Variants in EXOC6 observed in about 807,000 individuals in gnomAD.
The protein encoded by EXOC6 is SEC15-like 1.
Under a neutral mutation model 112.5 loss-of-function variants are expected in EXOC6, and 60 were observed. That is an observed-to-expected ratio of 0.53 (90% confidence interval 0.43 to 0.66). EXOC6 has a LOEUF of 0.66. EXOC6 is among the 30% of genes least tolerant of loss of function. EXOC6 has a pLI of 0.00. For synonymous variants in EXOC6, 295 were observed against 308.0 expected (o/e 0.96, Z 0.44); for missense variants, 855 against 957.1 (o/e 0.89, Z 1.41).
At chr10:92,868,381 G>T (rs1479288466) in intron 1 of EXOC6, among the ~76,000 whole-genome samples, 1 of 152,110 alleles carries the variant, frequency 6.6e-6, no homozygotes, top group Non-Finnish European at 1.5e-5. Flanking sequence ...TATACGCAGT[G>T]ATACTGTATG....
At chr10:93,007,198 A>G (rs1386421986) in intron 19 of EXOC6, among the ~76,000 whole-genome samples, 3 of 152,138 alleles carry the variant, frequency 2.0e-5, no homozygotes, top group African/African-American at 7.2e-5. Flanking sequence ...TTATGGCCTG[A>G]CATCTTGGCA....
intron 1 of EXOC6, among the ~76,000 whole-genome samples, chr10:92,883,737 C>T (rs909947297): frequency 3.3e-5 from 5 of 151,992 alleles, no homozygotes; most frequent in Admixed American, 2.6e-4. Flanking sequence ...GAAATGCAAA[C>T]TTAAGGCTAA....
At chr10:92,886,461 A>G (rs1173754754) in intron 1 of EXOC6, among the ~76,000 whole-genome samples, 3 of 152,176 alleles carry the variant, frequency 2.0e-5, no homozygotes, top group African/African-American at 7.2e-5. Flanking sequence ...GGGATTCCCT[A>G]TTGAGTCATT....
intron 1 of EXOC6, among the ~76,000 whole-genome samples, chr10:92,859,279 C>T (rs1256113087): frequency 6.6e-6 from 1 of 152,120 alleles, no homozygotes; most frequent in Non-Finnish European, 1.5e-5. Context: ...AGTGTATTTC[C>T]CTCACAGTGG....
Position 93,058,271 on chromosome 10 carries a change from G to T in EXOC6, c.2331G>T (p.Lys777Asn). The change falls in exon 22 of 22, where the codon AAG becomes AAT. Residue 777 changes from lysine (K) to asparagine (N), a missense_variant. Physicochemically the swap from Lys to Asn is moderately conservative, Grantham distance 94. This residue lies in a region of EXOC6 where 450 missense variants were observed against 563.5 expected (regional missense o/e 0.80). Transcript: ENST00000260762. ...ACAATATATTTGCTCAGTTCAGGAA[G>T]AATGATCGAGACAAACAGAAGTTGA... ...KKNNIFAQFRKNDRDKQKLIE... is the reference protein window; with the variant it reads ...KKNNIFAQFRNNDRDKQKLIE... 4 of 1,611,322 alleles carry T rather than the reference G, an allele frequency of 2.5e-6. No homozygotes were observed. The highest frequency in any genetic ancestry group is 3.4e-6 in the Non-Finnish European group (4 of 1,179,412).
At chr10:92,997,744 C>T (rs1843559076) in intron 19 of EXOC6, 129 bp downstream of exon 19, 1 of 684,014 alleles carries the variant, frequency 1.5e-6, no homozygotes, top group South Asian at 4.1e-5. Context: ...TTTTAGCAGC[C>T]TTAGGAGTAG....
intron 18 of EXOC6, among the ~76,000 whole-genome samples, chr10:92,977,371 T>A (rs538542215): frequency 6.6e-6 from 1 of 152,174 alleles, no homozygotes; most frequent in Admixed American, 6.5e-5. Flanking sequence ...CTAAAAAAAA[T>A]TAATGGAAGA....
At chr10:92,934,531 A>AT (rs1216771745) in intron 11 of EXOC6, 101 bp downstream of exon 11, 11 of 1,000,642 alleles carry the variant, frequency 1.1e-5, no homozygotes, top group South Asian at 2.8e-5. Flanking sequence ...ATCATTCTGC[A>AT]TTTTTTTAGT....
At chr10:92,976,794 G>A (rs1421278293) in intron 18 of EXOC6, among the ~76,000 whole-genome samples, 1 of 151,766 alleles carries the variant, frequency 6.6e-6, no homozygotes, top group Non-Finnish European at 1.5e-5. Context: ...ATCCTGGCAC[G>A]TAGTCATAGC....
At chr10:92,986,875 C>T (rs1289075954) in intron 18 of EXOC6, among the ~76,000 whole-genome samples, 1 of 151,898 alleles carries the variant, frequency 6.6e-6, no homozygotes, top group African/African-American at 2.4e-5. Context: ...AGAACTACGG[C>T]AGGGGCATAT....
At chr10:92,887,459 G>A (rs1849284385) in intron 1 of EXOC6, among the ~76,000 whole-genome samples, 1 of 133,512 alleles carries the variant, frequency 7.5e-6, no homozygotes, top group Non-Finnish European at 1.5e-5. Flanking sequence ...GTGCAGTGGT[G>A]TGATCTAGGC....
At chr10:93,011,614 A>G (rs1291413891) in intron 19 of EXOC6, among the ~76,000 whole-genome samples, 1 of 152,216 alleles carries the variant, frequency 6.6e-6, no homozygotes, top group Non-Finnish European at 1.5e-5. Flanking sequence ...AACACCTTTT[A>G]TGATTATAAT....
intron 20 of EXOC6, among the ~76,000 whole-genome samples, chr10:93,017,084 G>A (rs1451097539): frequency 6.6e-6 from 1 of 151,820 alleles, no homozygotes; most frequent in Non-Finnish European, 1.5e-5. Context: ...CCAAAGTGTT[G>A]GGATTACAGG....
intron 12 of EXOC6, among the ~76,000 whole-genome samples, chr10:92,937,456 T>A (rs1852407774): frequency 6.6e-6 from 1 of 152,194 alleles, no homozygotes; most frequent in South Asian, 2.1e-4. Flanking sequence ...TTTAAACTAT[T>A]TGCTTTATCA....
chr10:92,890,687 T>C (rs970687147), intron 1 of EXOC6, among the ~76,000 whole-genome samples: 1 of 152,130 alleles, frequency 6.6e-6, no homozygotes, highest in Non-Finnish European at 1.5e-5. Flanking sequence ...CCTATCTATC[T>C]CTGTGTCTGG....
chr10:92,976,101 C>T (rs1234590234), intron 18 of EXOC6, among the ~76,000 whole-genome samples: 8 of 150,088 alleles, frequency 5.3e-5, no homozygotes, highest in Non-Finnish European at 1.0e-4. Flanking sequence ...AGGTGAGGGG[C>T]GCCTCTGCCC....
At chr10:92,900,344 T>C (rs759778977) in intron 5 of EXOC6, 2 of 151,454 alleles carry the variant, frequency 1.3e-5, no homozygotes, top group Admixed American at 6.6e-5. Flanking sequence ...CAGAATAAAT[T>C]AGACAATTTG....
At chr10:92,837,305 A>T (rs1234911297) in intron 1 of EXOC6, among the ~76,000 whole-genome samples, 2 of 152,200 alleles carry the variant, frequency 1.3e-5, no homozygotes, top group African/African-American at 4.8e-5. Context: ...TTCTAATAAA[A>T]GTGAAAAGAG....
At chr10:92,957,613 T>A (rs1194054591) in intron 17 of EXOC6, among the ~76,000 whole-genome samples, 1 of 152,206 alleles carries the variant, frequency 6.6e-6, no homozygotes, top group East Asian at 1.9e-4. Context: ...GTTTGTTCTG[T>A]TTTCACACAG....
Sources: gnomAD v4.1 joint callset for allele counts (sites outside exome capture counted in the v4.1 genomes callset) on GRCh38, gnomAD v4.1.1 for gene constraint, gnomAD v4.1.1 regional missense constraint, MANE v1.5 for transcripts, NCBI Gene and HGNC (gene_info 2026-07-23, HGNC 2026-07-21) for gene names.